Variants in ATXN1 observed in about 807,000 individuals in gnomAD.
The protein encoded by ATXN1 is ataxin-1.
In ATXN1, 8 loss-of-function variants were observed where a neutral mutation model predicts 56.4. The ratio of observed to expected loss-of-function variants is 0.14; its 90% CI spans 0.08 to 0.26. The LOEUF (loss-of-function observed/expected upper bound fraction) is 0.26. Ranked by LOEUF, ATXN1 falls within the 10% of genes least tolerant of loss-of-function variation. The pLI, the probability that ATXN1 is intolerant of heterozygous loss-of-function variation, is 1.00. For synonymous variants in ATXN1, 514 were observed against 494.6 expected, an observed-to-expected ratio of 1.04 and a Z score of -0.52; for missense variants, 987 against 1,106.5, an observed-to-expected ratio of 0.89 and a Z score of 1.53.
chr6:16,448,186 T>C (rs1759672652), intron 6 of ATXN1, among the ~76,000 whole-genome samples: 1 of 152,178 alleles, frequency 6.6e-6, no homozygotes, highest in African/African-American at 2.4e-5. Flanking sequence ...CCTCCCTATG[T>C]TCTGCTCCAG....
chr6:16,537,466 A>T (rs1761623337), intron 4 of ATXN1, among the ~76,000 whole-genome samples: 1 of 151,948 alleles, frequency 6.6e-6, no homozygotes, highest in South Asian at 2.1e-4. Context: ...GCACTTTGGG[A>T]GGCTGGGGCA....
intron 2 of ATXN1, among the ~76,000 whole-genome samples, chr6:16,728,982 C>T (rs1389650343): frequency 6.6e-6 from 1 of 152,308 alleles, no homozygotes; most frequent in East Asian, 1.9e-4. Flanking sequence ...TTCCAAAAGC[C>T]TAGTCGAGCT....
At chr6:16,574,733 C>T (rs1484372008) in intron 4 of ATXN1, among the ~76,000 whole-genome samples, 4 of 152,068 alleles carry the variant, frequency 2.6e-5, no homozygotes, top group Non-Finnish European at 4.4e-5. Flanking sequence ...CATAGAACCA[C>T]GATCAAAACT....
intron 2 of ATXN1, among the ~76,000 whole-genome samples, chr6:16,663,969 T>C (rs1758376282): frequency 6.6e-6 from 1 of 152,224 alleles, no homozygotes; most frequent in South Asian, 2.1e-4. Context: ...CACTGCCATT[T>C]CTAAATCTTT....
At chr6:16,749,505 G>A (rs1346792871) in intron 2 of ATXN1, among the ~76,000 whole-genome samples, 2 of 152,052 alleles carry the variant, frequency 1.3e-5, no homozygotes, top group Admixed American at 6.6e-5. Flanking sequence ...TTTTTTAAAG[G>A]TCTTAAAGGA....
chr6:16,369,448 G>A (rs1017726548), intron 6 of ATXN1, among the ~76,000 whole-genome samples: 1 of 152,120 alleles, frequency 6.6e-6, no homozygotes, highest in Non-Finnish European at 1.5e-5. Context: ...AAGGACAATG[G>A]GCATCCTTTC....
At chr6:16,725,865 A>C (rs919257995) in intron 2 of ATXN1, among the ~76,000 whole-genome samples, 2 of 152,194 alleles carry the variant, frequency 1.3e-5, no homozygotes, top group Non-Finnish European at 2.9e-5. Context: ...ATCAATTCAG[A>C]TCCAAGTACA....
At chr6:16,551,389 A>C (rs377133455) in intron 4 of ATXN1, among the ~76,000 whole-genome samples, 12 of 150,072 alleles carry the variant, frequency 8.0e-5, no homozygotes, top group African/African-American at 2.7e-4. Context: ...GAAAGATTCC[A>C]GAAGGAAGTG....
At chr6:16,474,098 T>C (rs1760276287) in intron 6 of ATXN1, among the ~76,000 whole-genome samples, 1 of 152,228 alleles carries the variant, frequency 6.6e-6, no homozygotes, top group Non-Finnish European at 1.5e-5. Context: ...AGACTTCACA[T>C]ATGCCTGACT....
chr6:16,698,045 A>C (rs1394572951), intron 2 of ATXN1, among the ~76,000 whole-genome samples: 4 of 152,126 alleles, frequency 2.6e-5, no homozygotes, highest in Non-Finnish European at 5.9e-5. Context: ...ACCGGGAGGG[A>C]ATATTTGCCC....
intron 4 of ATXN1, among the ~76,000 whole-genome samples, chr6:16,566,557 A>C (rs1046489805): frequency 1.3e-5 from 2 of 152,062 alleles, no homozygotes; most frequent in Admixed American, 6.6e-5. Flanking sequence ...AAACAAACAA[A>C]CAAACAAACA....
chr6:16,484,617 A>G (rs1389887693), intron 6 of ATXN1, among the ~76,000 whole-genome samples: 1 of 152,152 alleles, frequency 6.6e-6, no homozygotes, highest in Non-Finnish European at 1.5e-5. Context: ...CGTGTACAGA[A>G]TGGAAACACA....
At chr6:16,649,283 G>GAA (rs995663235) in intron 3 of ATXN1, among the ~76,000 whole-genome samples, 1 of 147,004 alleles carries the variant, frequency 6.8e-6, no homozygotes, top group African/African-American at 2.5e-5. Context: ...TCTTAGAAAT[G>GAA]AAAAAAAAAA....
chr6:16,648,937 C>G (rs1018540296), intron 3 of ATXN1, among the ~76,000 whole-genome samples: 2 of 151,892 alleles, frequency 1.3e-5, no homozygotes, highest in South Asian at 4.1e-4. Flanking sequence ...GGAAAAAACT[C>G]TATTTTATAT....
intron 2 of ATXN1, among the ~76,000 whole-genome samples, chr6:16,673,008 GT>G (rs1183293803): frequency 1.9e-5 from 2 of 103,174 alleles, no homozygotes; most frequent in Non-Finnish European, 3.7e-5. Context: ...ATGAGACTCC[GT>G]TCCCCCCCGC....
intron 6 of ATXN1, among the ~76,000 whole-genome samples, chr6:16,358,491 G>C (rs1761738204): frequency 6.6e-6 from 1 of 152,154 alleles, no homozygotes; most frequent in South Asian, 2.1e-4. Context: ...CAAAATAATA[G>C]CATTCACAGC....
chr6:16,394,921 G>T (rs993463356), intron 6 of ATXN1, among the ~76,000 whole-genome samples: 2 of 152,152 alleles, frequency 1.3e-5, no homozygotes, highest in Non-Finnish European at 2.9e-5. Context: ...TAGCATGTTG[G>T]AGCCAGGTCT....
chr6:16,603,766 T>G (rs1285150423), intron 3 of ATXN1, among the ~76,000 whole-genome samples: 2 of 152,028 alleles, frequency 1.3e-5, no homozygotes, highest in African/African-American at 2.4e-5. Context: ...GTGGGGGAAG[T>G]GTTCCACCAG....
chr6:16,560,728 C>A (rs578058354), intron 4 of ATXN1, among the ~76,000 whole-genome samples: 2 of 152,332 alleles, frequency 1.3e-5, no homozygotes, highest in Non-Finnish European at 2.9e-5. Context: ...CTGTCAAGCA[C>A]AACTTTTTTG....
Sources: gnomAD v4.1 joint callset for allele counts (sites outside exome capture counted in the v4.1 genomes callset) on GRCh38, gnomAD v4.1.1 for gene constraint, MANE v1.5 for transcripts, NCBI Gene and HGNC (gene_info 2026-07-23, HGNC 2026-07-21) for gene names.